Variants in ANKRD31 observed in about 807,000 individuals in gnomAD.
The protein encoded by ANKRD31 is ankyrin repeat domain-containing protein 31.
Under a neutral mutation model 186.0 loss-of-function variants are expected in ANKRD31, and 147 were observed. That is an observed-to-expected ratio of 0.79 (90% CI 0.69 to 0.91). ANKRD31 has a LOEUF of 0.91. ANKRD31 is among the 40% of genes least tolerant of loss of function. The pLI, the probability that ANKRD31 is intolerant of heterozygous loss-of-function variation, is 0.00. For missense variants in ANKRD31, 1,986 were observed against 2,148.8 expected (o/e 0.92, Z 1.50); for synonymous variants, 673 against 736.4 (o/e 0.91, Z 1.39).
chr5:75,166,073 G>T (rs1354824704), intron 11 of ANKRD31, among the ~76,000 whole-genome samples: 1 of 152,122 alleles, frequency 6.6e-6, no homozygotes, highest in Non-Finnish European at 1.5e-5. Flanking sequence ...TATTATGTCT[G>T]GGATTTCTTT....
At chr5:75,108,648 AT>A (rs1287949548) in intron 20 of ANKRD31, among the ~76,000 whole-genome samples, 4 of 152,068 alleles carry the variant, frequency 2.6e-5, no homozygotes, top group Non-Finnish European at 4.4e-5. Flanking sequence ...TGTTTTAGAA[AT>A]TCCCTCAGCA....
At chr5:75,195,440 A>G (rs974805897) in intron 7 of ANKRD31, among the ~76,000 whole-genome samples, 191 bp downstream of exon 7, 7 of 152,044 alleles carry the variant, frequency 4.6e-5, no homozygotes, top group African/African-American at 1.7e-4. Context: ...CAAGTCACAA[A>G]GTATCTTCTC....
chr5:75,176,182 G>C (rs555083058), intron 10 of ANKRD31, among the ~76,000 whole-genome samples: 1 of 152,296 alleles, frequency 6.6e-6, no homozygotes. Flanking sequence ...AGTGAGGCTG[G>C]GGGAGGGGCG....
In ANKRD31 at chr5:75,163,352, C is replaced by A. The variant is rs150737245; in HGVS notation, c.1707+5627G>T. 4.8e-3 allele frequency among the ~76,000 whole-genome samples: 727 copies of A among 152,206 alleles called. 12 individuals are homozygous for A. The highest frequency in any genetic ancestry group is 0.017 in the African/African-American group (697 of 41,538). On this transcript the variant is annotated intron_variant, in intron 11 of 25. Transcript: ENST00000506364. The stretch of plus-strand genomic sequence containing the variant: ...AGTGAGTAATGCACATAGGTCTTGG[C>A]CCCATGTGGGGCAACGTGGGGAACC...
chr5:75,130,334 A>G (rs965448275), intron 17 of ANKRD31, among the ~76,000 whole-genome samples: 2 of 152,218 alleles, frequency 1.3e-5, no homozygotes, highest in Non-Finnish European at 2.9e-5. Context: ...AAAGAGCAAA[A>G]GAACAAAGCT....
intron 20 of ANKRD31, among the ~76,000 whole-genome samples, chr5:75,111,021 C>G (rs1286043181): frequency 5.3e-5 from 8 of 150,876 alleles, no homozygotes. Context: ...TATTGTAGAA[C>G]AGCAAAAAAT....
intron 16 of ANKRD31, among the ~76,000 whole-genome samples, chr5:75,138,515 G>A (rs1750776273): frequency 6.6e-6 from 1 of 152,168 alleles, no homozygotes; most frequent in South Asian, 2.1e-4. Context: ...AGAGAAGAAG[G>A]GATAGGAGAA....
At chr5:75,076,000 A>G (rs925966335) in intron 25 of ANKRD31, among the ~76,000 whole-genome samples, 7 of 152,072 alleles carry the variant, frequency 4.6e-5, no homozygotes, top group Admixed American at 4.6e-4. Context: ...CTTACATATT[A>G]AGCACTCTAT....
At chr5:75,073,339 T>C (rs549838222) in intron 25 of ANKRD31, among the ~76,000 whole-genome samples, 16 of 151,886 alleles carry the variant, frequency 1.1e-4, no homozygotes, top group Non-Finnish European at 2.1e-4. Context: ...AAAGTGCTTG[T>C]TTTAAAGGGA....
intron 6 of ANKRD31, among the ~76,000 whole-genome samples, chr5:75,197,775 G>C (rs1033639943): frequency 2.6e-5 from 4 of 151,994 alleles, no homozygotes; most frequent in African/African-American, 9.7e-5. Context: ...AAATACCTAG[G>C]ACATTAAACA....
At chr5:75,118,063 C>T (rs2150082887) in intron 18 of ANKRD31, 72 bp downstream of exon 18, 1 of 1,162,776 alleles carries the variant, frequency 8.6e-7, no homozygotes, top group Non-Finnish European at 1.1e-6. Flanking sequence ...ACAATTTACA[C>T]AACAAATCAG....
At chr5:75,101,601 A>T (rs1276623962) in intron 22 of ANKRD31, among the ~76,000 whole-genome samples, 2 of 152,090 alleles carry the variant, frequency 1.3e-5, no homozygotes, top group Non-Finnish European at 2.9e-5. Flanking sequence ...ATATAGTCCC[A>T]TAGTTCTTGG....
chr5:75,233,461 TTAATC>T (rs1164619393), intron 1 of ANKRD31, among the ~76,000 whole-genome samples: 1 of 152,130 alleles, frequency 6.6e-6, no homozygotes, highest in Non-Finnish European at 1.5e-5. Context: ...TTTAAAGTAT[TTAATC>T]TATTTCATAT....
chr5:75,154,431 C>A (rs2150158713), intron 11 of ANKRD31, 86 bp from the exon 12 acceptor site: 1 of 1,111,530 alleles, frequency 9.0e-7, no homozygotes, highest in South Asian at 3.1e-5. Context: ...TAAGTAACAT[C>A]AAATATCTCT....
At chr5:75,173,437 C>T (rs950526427) in intron 10 of ANKRD31, among the ~76,000 whole-genome samples, 1 of 152,124 alleles carries the variant, frequency 6.6e-6, no homozygotes, top group African/African-American at 2.4e-5. Context: ...AAGAGGAGGT[C>T]AAATTGTCCC....
At chr5:75,211,212 T>G (rs1056298397) in intron 3 of ANKRD31, among the ~76,000 whole-genome samples, 1 of 152,256 alleles carries the variant, frequency 6.6e-6, no homozygotes, top group Admixed American at 6.5e-5. Context: ...TTTATTGATT[T>G]ACTACTCTAG....
chr5:75,235,742 G>A (rs1200219128), intron 1 of ANKRD31, among the ~76,000 whole-genome samples: 2 of 152,182 alleles, frequency 1.3e-5, no homozygotes, highest in East Asian at 1.9e-4. Context: ...ACTGGGAAAA[G>A]GGATCGGTAT....
chr5:75,137,774 G>T, intron 17 of ANKRD31, 82 bp downstream of exon 17: 2 of 1,228,196 alleles, frequency 1.6e-6, no homozygotes, highest in Non-Finnish European at 2.1e-6. Flanking sequence ...AATCATTTTA[G>T]TTCTCAGTTT....
intron 12 of ANKRD31, among the ~76,000 whole-genome samples, chr5:75,151,351 T>C (rs1751826588): frequency 6.6e-6 from 1 of 152,002 alleles, no homozygotes; most frequent in Admixed American, 6.6e-5. Context: ...TTATCTTGAA[T>C]TGTATCTCCC....
Sources: gnomAD v4.1 joint callset for allele counts (sites outside exome capture counted in the v4.1 genomes callset) on GRCh38, gnomAD v4.1.1 for gene constraint, MANE v1.5 for transcripts, NCBI Gene and HGNC (gene_info 2026-07-23, HGNC 2026-07-21) for gene names.